The following OOSP1 variants were observed in gnomAD, a reference collection of about 807,000 sequenced individuals.
The protein encoded by OOSP1 is putative oocyte-secreted protein 1 homolog.
A neutral mutation model predicts 5.7 loss-of-function variants in OOSP1; 11 were observed. That is an observed-to-expected ratio of 1.94 (90% CI 1.22 to 3.20). OOSP1 has a LOEUF of 3.20. Ranked by LOEUF, OOSP1 falls within the 30% of genes most tolerant of loss-of-function variation. The pLI is 0.00. For missense variants in OOSP1, 83 were observed against 54.1 expected, an observed-to-expected ratio of 1.53 and a Z score of -1.67; for synonymous variants, 44 against 20.0, an observed-to-expected ratio of 2.20 and a Z score of -3.20.
intron 4 of OOSP1, chr11:59,948,879 A>AT (rs1257272845): frequency 2.5e-6 from 1 of 397,146 alleles, no homozygotes; most frequent in African/African-American, 2.1e-5. Context: ...AGGGGATTTA[A>AT]TGCTCTCAAC....
intron 4 of OOSP1, chr11:59,948,673 T>C: frequency 2.5e-6 from 1 of 397,722 alleles, no homozygotes; most frequent in Non-Finnish European, 4.4e-6. Flanking sequence ...CATTGGGACG[T>C]ATATTTTACT....
At chr11:59,940,880 A>G (rs940643126) in intron 1 of OOSP1, among the ~76,000 whole-genome samples, 2 of 152,244 alleles carry the variant, frequency 1.3e-5, no homozygotes, top group South Asian at 4.1e-4. Context: ...AGTGTAAGAA[A>G]TAATACAGAG....
At chr11:59,949,399 T>C (rs1425288114) in intron 4 of OOSP1, among the ~76,000 whole-genome samples, 2 of 151,836 alleles carry the variant, frequency 1.3e-5, no homozygotes, top group Admixed American at 1.3e-4. Flanking sequence ...AAGGTGATGA[T>C]TGAGGAAAGA....
intron 1 of OOSP1, among the ~76,000 whole-genome samples, chr11:59,940,230 T>C (rs1853811367): frequency 6.6e-6 from 1 of 152,256 alleles, no homozygotes; most frequent in African/African-American, 2.4e-5. Flanking sequence ...AGCAGGTAAC[T>C]ATAAGGAATA....
intron 3 of OOSP1, among the ~76,000 whole-genome samples, chr11:59,947,107 A>G (rs1853893076): frequency 6.6e-6 from 1 of 152,118 alleles, no homozygotes; most frequent in Admixed American, 6.6e-5. Flanking sequence ...TTCTGGTTAA[A>G]ATCCTGAACT....
Position 59,943,010 on chromosome 11 carries a change from CTG to C in OOSP1, c.243_244del (p.Cys81TrpfsTer14), listed in dbSNP as rs1853847125. 1.4e-6 allele frequency: 1 copy of C among 702,712 alleles called. No individual in the cohort carries two copies. Among genetic ancestry groups the C allele is most frequent in the South Asian group, 1.5e-5 (1 of 67,578 alleles). The allele number at this position is 702,712 out of a possible 1,614,324, so 43.5% of individuals were successfully genotyped here. On this transcript the variant is annotated frameshift_variant, in exon 2 of 5. Coordinates refer to ENST00000646685, the Ensembl canonical transcript of OOSP1. LOFTEE classifies it high-confidence loss of function. ...ATGAGTTTTTCTACCATCCTCATGA[CTG>C]TGGTATTGTAACTCAAGTAAGAAAT... is the stretch of plus-strand genomic sequence containing the variant.
chr11:59,951,878 A>C (rs1298856347), intron 4 of OOSP1, among the ~76,000 whole-genome samples: 1 of 150,576 alleles, frequency 6.6e-6, no homozygotes, highest in Non-Finnish European at 1.5e-5. Flanking sequence ...CAAACTTCCT[A>C]ACTCGTCAGA....
At chr11:59,947,121 A>T (rs1165917385) in intron 3 of OOSP1, among the ~76,000 whole-genome samples, 1 of 151,814 alleles carries the variant, frequency 6.6e-6, no homozygotes, top group East Asian at 1.9e-4. Context: ...CTGAACTGAA[A>T]TTTTTTTTCC....
chr11:59,950,711 G>T (rs189283827), intron 4 of OOSP1, among the ~76,000 whole-genome samples: 12 of 152,194 alleles, frequency 7.9e-5, no homozygotes, highest in African/African-American at 2.9e-4. Context: ...GGAGAGGTAT[G>T]GGTGAAAATT....
At chr11:59,945,380 C>T (rs1403921631) in intron 3 of OOSP1, 114 bp downstream of exon 3, 1 of 698,022 alleles carries the variant, frequency 1.4e-6, no homozygotes, top group Non-Finnish European at 2.6e-6. Context: ...GTTGGGGAGA[C>T]ACCAAACCCT....
At position 59,939,545 on chromosome 11, in the gene OOSP1, C is replaced by A. The variant is rs543563058; in HGVS notation, c.76+1015C>A. 3.3e-5 allele frequency among the ~76,000 whole-genome samples: 5 copies of A among 152,146 alleles called. No individual in the cohort carries two copies. The South Asian group carries it at 1.0e-3, about 32-fold the overall frequency. ...GGTATAACAGGTATGAGCCACTGTG[C>A]TGAATGCTTTTTTCTGTTTTCTTTT... On this transcript the variant is annotated intron_variant, in intron 1 of 4. Transcript: ENST00000646685.
chr11:59,940,462 A>G (rs774964345), intron 1 of OOSP1, among the ~76,000 whole-genome samples: 2 of 152,194 alleles, frequency 1.3e-5, no homozygotes, highest in Non-Finnish European at 2.9e-5. Context: ...GGATCTGTAA[A>G]TATGTTTCGC....
intron 4 of OOSP1, among the ~76,000 whole-genome samples, chr11:59,952,177 A>G (rs1853946310): frequency 6.6e-6 from 1 of 152,178 alleles, no homozygotes; most frequent in Non-Finnish European, 1.5e-5. Flanking sequence ...TATTTATCAG[A>G]GGCAAAAAAT....
chr11:59,954,629 T>TATC lies in OOSP1; in HGVS notation c.487-2566_487-2565insATC, dbSNP rs1853975343. Among the ~76,000 whole-genome samples the TATC allele has an allele frequency of 1.1e-4, 17 of 148,348 alleles. 1 individual carries two copies. The South Asian group carries it at 2.6e-3, about 23-fold the overall frequency. ...TCCACCAGAGAAAAGTGAAGGGACTTTATCTATCTATCTATCTATCTATCT... is the reference window on the plus strand; with the variant it reads ...TCCACCAGAGAAAAGTGAAGGGACTTATCTATCTATCTATCTATCTATCTATCT... On this transcript the variant is annotated intron_variant, in intron 4 of 4. Transcript: ENST00000646685.
At chr11:59,947,807 T>C in exon 4 of OOSP1, 1 of 398,806 alleles carries the variant, frequency 2.5e-6, no homozygotes, top group East Asian at 3.6e-5. Context: ...GAGATAGAGG[T>C]GAGGATACAC....
chr11:59,938,544 C>T lies in OOSP1; in HGVS notation c.76+14C>T. 3.9e-6 allele frequency: 2 copies of T among 514,294 alleles called. No individual in the cohort carries two copies. The highest frequency in any genetic ancestry group is 3.5e-6 in the Non-Finnish European group (1 of 285,890). 31.9% of individuals were successfully genotyped at this position (514,294 alleles called of 1,614,324 possible). ...GGGACTGGTCAGGTATAACTTATCACTTGGGGAATAGAAGTTTCTTAAAGA... is the reference window on the plus strand; with the variant it reads ...GGGACTGGTCAGGTATAACTTATCATTTGGGGAATAGAAGTTTCTTAAAGA... On this transcript the variant is annotated intron_variant, in intron 1 of 4. Coordinates refer to ENST00000646685, the Ensembl canonical transcript of OOSP1.
chr11:59,942,604 AT>A (rs938793631), intron 1 of OOSP1, among the ~76,000 whole-genome samples: 46 of 152,118 alleles, frequency 3.0e-4, no homozygotes, highest in Admixed American at 8.5e-4. Context: ...TTTTGTATTG[AT>A]TTTTTCCCCC....
In OOSP1 at chr11:59,943,036, A is replaced by G; in HGVS notation, c.258+8A>G. On this transcript the variant is annotated splice_region_variant and intron_variant, in intron 2 of 4. Coordinates refer to ENST00000646685, the Ensembl canonical transcript of OOSP1. ...TGTGGTATTGTAACTCAAGTAAGAA[A>G]TGGCTATCTTACTTAAAACCCAAGT... is the stretch of plus-strand genomic sequence containing the variant. 1.4e-6 allele frequency: 1 copy of G among 702,604 alleles called. No individual in the cohort carries two copies. Among genetic ancestry groups the G allele is most frequent in the Non-Finnish European group, 2.6e-6 (1 of 384,700 alleles). 43.5% of individuals were successfully genotyped at this position (702,604 alleles called of 1,614,324 possible). A position where few individuals can be genotyped will look rare whatever the true frequency, so the allele number is the denominator to read the frequency against.
chr11:59,939,485 C>A (rs1853802852), intron 1 of OOSP1, among the ~76,000 whole-genome samples: 1 of 152,168 alleles, frequency 6.6e-6, no homozygotes, highest in African/African-American at 2.4e-5. Context: ...CTCCTGGCCT[C>A]AAGTGATCTG....
Sources: gnomAD v4.1 joint callset for allele counts (sites outside exome capture counted in the v4.1 genomes callset) on GRCh38, gnomAD v4.1.1 for gene constraint, MANE v1.5 for transcripts, NCBI Gene and HGNC (gene_info 2026-07-23, HGNC 2026-07-21) for gene names.